Variants in FLACC1 observed in about 807,000 individuals in gnomAD.
FLACC1 encodes the protein flagellum associated containing coiled-coil domains 1.
In FLACC1, 66 loss-of-function variants were observed where a neutral mutation model predicts 62.8. The ratio of observed to expected loss-of-function variants is 1.05; its 90% CI spans 0.86 to 1.29. The LOEUF (loss-of-function observed/expected upper bound fraction) is 1.29. FLACC1 is among the 50% of genes most tolerant of loss of function. The pLI, the probability that FLACC1 is intolerant of heterozygous loss-of-function variation, is 0.00. For missense variants in FLACC1, 452 were observed against 489.1 expected (o/e 0.92, Z 0.71); for synonymous variants, 156 against 161.0 (o/e 0.97, Z 0.24).
rs1950134579 is a variant in FLACC1 at position 201,307,640 on chromosome 2, A to C, written c.776-18T>G. On this transcript the variant is annotated intron_variant, in intron 10 of 14. Transcript: ENST00000392257. ...CTTTTTTTCTGTGGAAGTGACAGGA[A>C]AGCACATATATGTGTAAAGATGGGA... 6.5e-7 allele frequency: 1 copy of C among 1,547,348 alleles called. No individual in the cohort carries two copies. The highest frequency in any genetic ancestry group is 1.4e-5 in the African/African-American group (1 of 73,410).
In FLACC1 at chr2:201,333,576, C is replaced by G. The variant is rs987455028; in HGVS notation, c.525-2743G>C. Among the ~76,000 whole-genome samples, 32 of 132,010 alleles carry G rather than the reference C, an allele frequency of 2.4e-4. 1 individual carries two copies. Among genetic ancestry groups the G allele is most frequent in the African/African-American group, 8.5e-4 (30 of 35,448 alleles). The allele number at this position is 132,010 out of a possible 152,430, so 86.6% of individuals were successfully genotyped here. On this transcript the variant is annotated intron_variant, in intron 7 of 14. Coordinates refer to ENST00000392257, the MANE Select transcript of FLACC1 (RefSeq NM_001127391.3). ...CCCCTCCCCCCACCCCATAACAGTC[C>G]CCAGAGTGTGATGTTCCCCTTCCTG...
At chr2:201,351,570 G>A in intron 1 of FLACC1, 119 bp from the exon 2 acceptor site, 1 of 613,520 alleles carries the variant, frequency 1.6e-6, no homozygotes, top group South Asian at 2.0e-5. Context: ...AGAAGCTGTT[G>A]ATCTGGTGCA....
At chr2:201,355,147 T>C (rs1951096329) in intron 1 of FLACC1, among the ~76,000 whole-genome samples, 1 of 151,954 alleles carries the variant, frequency 6.6e-6, no homozygotes, top group African/African-American at 2.4e-5. Context: ...TAGCCAGGCA[T>C]GGTGGCACAT....
chr2:201,334,572 T>C (rs1320324328), intron 7 of FLACC1, among the ~76,000 whole-genome samples: 2 of 152,080 alleles, frequency 1.3e-5, no homozygotes, highest in African/African-American at 2.4e-5. Context: ...TCACTTGAGG[T>C]TGGGAGCTCA....
At chr2:201,297,968 G>C (rs1949900876) in intron 12 of FLACC1, among the ~76,000 whole-genome samples, 1 of 152,168 alleles carries the variant, frequency 6.6e-6, no homozygotes, top group South Asian at 2.1e-4. Context: ...GAACATCAAA[G>C]ACCCCCAGGT....
At chr2:201,306,265 G>A (rs892669093) in intron 11 of FLACC1, among the ~76,000 whole-genome samples, 2 of 152,046 alleles carry the variant, frequency 1.3e-5, no homozygotes, top group Non-Finnish European at 2.9e-5. Flanking sequence ...GCTACAACCT[G>A]ATCTTTTGAG....
chr2:201,328,031 T>C (rs911564568), intron 9 of FLACC1, among the ~76,000 whole-genome samples: 1 of 152,190 alleles, frequency 6.6e-6, no homozygotes, highest in Non-Finnish European at 1.5e-5. Context: ...TGGAGGCCAT[T>C]ATTCTAAACA....
intron 4 of FLACC1, among the ~76,000 whole-genome samples, chr2:201,347,642 C>CAAAAAAAAAAAAAAAAA (rs199933300): frequency 4.1e-5 from 6 of 145,540 alleles, no homozygotes; most frequent in East Asian, 2.0e-4. Context: ...AAAAACAAAA[C>CAAAAAAAAAAAAAAAAA]AAAAAAAAGA....
intron 5 of FLACC1, among the ~76,000 whole-genome samples, chr2:201,345,764 G>T (rs1301529207): frequency 6.6e-6 from 1 of 152,176 alleles, no homozygotes; most frequent in African/African-American, 2.4e-5. Flanking sequence ...CAGAGAGTGG[G>T]TGGAGCCTGA....
chr2:201,336,546 CA>C (rs1406517484), intron 7 of FLACC1, among the ~76,000 whole-genome samples: 1 of 152,158 alleles, frequency 6.6e-6, no homozygotes, highest in East Asian at 1.9e-4. Flanking sequence ...ATTGCTGGGT[CA>C]AATGGTAGTT....
At chr2:201,358,411 ATTTTTT>A (rs529458487), upstream of FLACC1, among the ~76,000 whole-genome samples, 526 of 120,394 alleles carry the variant, frequency 4.4e-3, 2 homozygotes, top group African/African-American at 0.014. Context: ...TGCCCAGCTA[ATTTTTT>A]TTTTTTTTTT....
intron 7 of FLACC1, among the ~76,000 whole-genome samples, chr2:201,333,323 C>T (rs1173056442): frequency 2.0e-5 from 3 of 152,056 alleles, no homozygotes; most frequent in African/African-American, 7.2e-5. Flanking sequence ...AGCATTTTTT[C>T]ATATGTCTGT....
rs758414642 is a variant in FLACC1, at chr2:201,348,281, C to T, written c.207G>A (p.Arg69=). The change falls in exon 4 of 15, where the codon AGG becomes AGA. Residue 69 remains arginine (R), a synonymous_variant. Coordinates refer to ENST00000392257, the MANE Select transcript of FLACC1 (RefSeq NM_001127391.3). ...AAAATGATTTATTAGTCTCTTCTTG[C>T]CTTGCTGAATGGATTTTCATTCTGC... ...VSPKMKIHSA[R]QEETNKSFYE... 35 of 1,612,572 alleles carry T rather than the reference C, an allele frequency of 2.2e-5. No individual in the cohort carries two copies. The highest frequency in any genetic ancestry group is 2.9e-5 in the Non-Finnish European group (34 of 1,179,738).
intron 5 of FLACC1, among the ~76,000 whole-genome samples, chr2:201,344,538 A>G (rs1402178356): frequency 2.0e-5 from 3 of 152,208 alleles, no homozygotes; most frequent in African/African-American, 7.2e-5. Context: ...GAATAGAAGG[A>G]AAATAAGAAT....
upstream of FLACC1, among the ~76,000 whole-genome samples, chr2:201,362,157 C>T (rs1458469101): frequency 6.6e-6 from 1 of 152,072 alleles, no homozygotes; most frequent in South Asian, 2.1e-4. Context: ...AATCTTAAAC[C>T]TCATCAGAAG....
rs35205917 is a variant in FLACC1, at chr2:201,334,782, TAA to T, written c.525-3951_525-3950del. On this transcript the variant is annotated intron_variant, in intron 7 of 14. Coordinates refer to ENST00000392257, the MANE Select transcript of FLACC1 (RefSeq NM_001127391.3). ...TGGGCAACAAGAGTGAAACTCTGCC[TAA>T]AAAAAAAAAAAAAAGCTAAAAAAAA... Among the ~76,000 whole-genome samples, 226 of 125,320 alleles carry T rather than the reference TAA, an allele frequency of 1.8e-3. 1 individual carries two copies. Among genetic ancestry groups the T allele is most frequent in the South Asian group, 9.4e-3 (39 of 4,140 alleles). The allele number at this position is 125,320 out of a possible 152,430, so 82.2% of individuals were successfully genotyped here.
chr2:201,344,300 T>C (rs757616899), intron 5 of FLACC1, 37 bp from the exon 6 acceptor site: 2 of 1,548,348 alleles, frequency 1.3e-6, no homozygotes, highest in Admixed American at 3.4e-5. Flanking sequence ...TCCACAAAGC[T>C]TACCATTCCA....
At chr2:201,299,712 C>G (rs1403144378) in intron 11 of FLACC1, among the ~76,000 whole-genome samples, 1 of 152,086 alleles carries the variant, frequency 6.6e-6, no homozygotes, top group Non-Finnish European at 1.5e-5. Context: ...TGTGGAAAGG[C>G]AAAATAATCT....
intron 11 of FLACC1, among the ~76,000 whole-genome samples, chr2:201,305,217 G>T (rs141996634): frequency 0.057 from 8,638 of 152,142 alleles, 690 homozygotes; most frequent in African/African-American, 0.17. Flanking sequence ...AATCTACTAA[G>T]AACTTAAACA....
Sources: gnomAD v4.1 joint callset for allele counts (sites outside exome capture counted in the v4.1 genomes callset) on GRCh38, gnomAD v4.1.1 for gene constraint, MANE v1.5 for transcripts, NCBI Gene and HGNC (gene_info 2026-07-23, HGNC 2026-07-21) for gene names.